TPP2: variants seen among roughly 807,000 people sequenced by gnomAD.
TPP2 encodes the protein tripeptidyl-peptidase 2.
TPP2 carries 34 observed loss-of-function variants against 155.9 expected under a neutral mutation model. The ratio of observed to expected loss-of-function variants is 0.22; its 90% CI spans 0.17 to 0.29. The LOEUF is 0.29. Ranked by LOEUF, TPP2 falls within the 10% of genes least tolerant of loss-of-function variation. TPP2 has a pLI of 1.00. For missense variants in TPP2, 1,028 were observed against 1,522.3 expected (o/e 0.68, Z 5.40); for synonymous variants, 510 against 529.4 (o/e 0.96, Z 0.50).
At chr13:102,629,412 G>A in intron 8 of TPP2, 70 bp from the exon 9 acceptor site, 1 of 1,378,298 alleles carries the variant, frequency 7.3e-7, no homozygotes, top group Non-Finnish European at 9.4e-7. Flanking sequence ...ATTTAAACAA[G>A]GTTTTGGTAC....
intron 5 of TPP2, among the ~76,000 whole-genome samples, chr13:102,619,608 C>A (rs1881006465): frequency 6.6e-6 from 1 of 152,158 alleles, no homozygotes; most frequent in African/African-American, 2.4e-5. Flanking sequence ...CACAGTGCAC[C>A]CTTCTTAAAG....
intron 2 of TPP2, among the ~76,000 whole-genome samples, chr13:102,610,571 T>C (rs1271162037): frequency 6.6e-6 from 1 of 152,166 alleles, no homozygotes; most frequent in African/African-American, 2.4e-5. Flanking sequence ...GTCTGTTTTT[T>C]CCACATAGCC....
chr13:102,644,547 T>C lies in TPP2; in HGVS notation c.2176-10T>C, dbSNP rs755159255. On this transcript the variant is annotated splice_polypyrimidine_tract_variant and intron_variant, in intron 17 of 29. Coordinates refer to ENST00000376052, the MANE Select transcript of TPP2 (RefSeq NM_001330588.2). ...GAAAAGAGATATATTTTATTTACTT[T>C]TATTTGCAGGGTGGAAAAGCAATTG... The C allele has an allele frequency of 1.9e-6, 3 of 1,588,700 alleles. No individual in the cohort carries two copies. The Admixed American group carries it at 5.3e-5, about 28-fold the overall frequency.
intron 28 of TPP2, 37 bp downstream of exon 28, chr13:102,674,527 G>A (rs572569038): frequency 8.1e-6 from 13 of 1,607,372 alleles, no homozygotes; most frequent in Non-Finnish European, 1.1e-5. Context: ...AAAGTTCTTG[G>A]GGTTACCTCA....
chr13:102,678,280 C>G lies in TPP2; in HGVS notation c.3753C>G (p.Leu1251=), dbSNP rs1885415686. 6.2e-7 allele frequency: 1 copy of G among 1,613,524 alleles called. No homozygotes were observed. The highest frequency in any genetic ancestry group is 1.7e-5 in the Admixed American group (1 of 59,982). Residue 1251 remains leucine (L), a synonymous_variant, in exon 30 of 30, where the codon CTC becomes CTG. Coordinates refer to ENST00000376052, the MANE Select transcript of TPP2 (RefSeq NM_001330588.2). ...THCASFTENW[L]PIMYPPDYCV... is the part of the protein sequence containing the mutation. ...GTGCATCTTTTACTGAAAACTGGCTCCCCATCATGTATCCTCCCGATTATT... is the reference window on the plus strand; with the variant it reads ...GTGCATCTTTTACTGAAAACTGGCTGCCCATCATGTATCCTCCCGATTATT...
At chr13:102,599,661 A>G (rs1879277725) in intron 1 of TPP2, among the ~76,000 whole-genome samples, 1 of 152,088 alleles carries the variant, frequency 6.6e-6, no homozygotes, top group South Asian at 2.1e-4. Context: ...CAAGTGGAGG[A>G]TGGGTGGCAT....
At chr13:102,599,816 G>C (rs1225351448) in intron 1 of TPP2, among the ~76,000 whole-genome samples, 1 of 152,100 alleles carries the variant, frequency 6.6e-6, no homozygotes, top group African/African-American at 2.4e-5. Context: ...GGGGGGATGG[G>C]GCAGGGATTG....
At chr13:102,627,563 G>A (rs1319192258) in intron 7 of TPP2, among the ~76,000 whole-genome samples, 1 of 151,076 alleles carries the variant, frequency 6.6e-6, no homozygotes, top group Non-Finnish European at 1.5e-5. Flanking sequence ...ACCTAGGAAG[G>A]ACCATTCCAT....
intron 21 of TPP2, 127 bp downstream of exon 21, chr13:102,647,471 C>A: frequency 8.5e-7 from 1 of 1,178,406 alleles, no homozygotes; most frequent in Non-Finnish European, 1.1e-6. Flanking sequence ...GTGTTTAGTA[C>A]TTTTGCAAAC....
chr13:102,637,304 T>G, intron 14 of TPP2, 65 bp downstream of exon 14: 9 of 1,507,810 alleles, frequency 6.0e-6, no homozygotes, highest in Non-Finnish European at 7.9e-6. Flanking sequence ...TAAAAAAAAA[T>G]CCAAAGTATA....
chr13:102,628,105 C>T (rs1450718754), intron 8 of TPP2, among the ~76,000 whole-genome samples, 181 bp downstream of exon 8: 1 of 152,080 alleles, frequency 6.6e-6, no homozygotes, highest in Non-Finnish European at 1.5e-5. Context: ...AGGCCGCACA[C>T]CCCCGTTCCT....
At chr13:102,619,449 A>C (rs1208735968) in intron 5 of TPP2, among the ~76,000 whole-genome samples, 1 of 148,274 alleles carries the variant, frequency 6.7e-6, no homozygotes, top group Non-Finnish European at 1.5e-5. Flanking sequence ...AAAAAAAAAC[A>C]AACAAACAGG....
At chr13:102,643,425 T>C in intron 17 of TPP2, 49 bp downstream of exon 17, 2 of 1,511,392 alleles carry the variant, frequency 1.3e-6, no homozygotes, top group South Asian at 2.7e-5. Flanking sequence ...TTTGCCTTTT[T>C]GGTATGGGCT....
Position 102,604,731 on chromosome 13 carries a change from G to C in TPP2, c.166-62G>C. ...TACACACACATATATATGTGGATTTGCATTGTTTAGGAATAAAAACCTAAA... is the reference window on the plus strand; with the variant it reads ...TACACACACATATATATGTGGATTTCCATTGTTTAGGAATAAAAACCTAAA... On this transcript the variant is annotated intron_variant, in intron 1 of 29. Transcript: ENST00000376052. 4 of 1,537,540 alleles carry C rather than the reference G, an allele frequency of 2.6e-6. No individual in the cohort carries two copies. The South Asian group carries it at 3.6e-5, about 14-fold the overall frequency.
At chr13:102,642,771 A>G (rs992257520) in intron 16 of TPP2, among the ~76,000 whole-genome samples, 1 of 152,218 alleles carries the variant, frequency 6.6e-6, no homozygotes, top group Non-Finnish European at 1.5e-5. Flanking sequence ...CAAGTAGACC[A>G]AGAAGAGAGA....
intron 24 of TPP2, among the ~76,000 whole-genome samples, chr13:102,651,737 AT>A (rs67649317): frequency 3.6e-4 from 51 of 140,238 alleles, no homozygotes; most frequent in Non-Finnish European, 4.6e-4. Context: ...GGATGTGATA[AT>A]TTTTTTTTTT....
intron 23 of TPP2, 133 bp from the exon 24 acceptor site, chr13:102,651,226 A>T: frequency 1.2e-6 from 1 of 850,708 alleles, no homozygotes; most frequent in Non-Finnish European, 1.7e-6. Context: ...ATGCCATCTT[A>T]ATCACAGACC....
At position 102,624,492 on chromosome 13, in the gene TPP2, C is replaced by G. The variant is rs114077329; in HGVS notation, c.784+1452C>G. Among the ~76,000 whole-genome samples the G allele has an allele frequency of 4.9e-3, 749 of 152,186 alleles. 7 individuals carry two copies. The highest frequency in any genetic ancestry group is 0.017 in the African/African-American group (712 of 41,458). On this transcript the variant is annotated intron_variant, in intron 6 of 29. Transcript: ENST00000376052. ...TACTCATTACCCCCAAAAGTTTGCT[C>G]TCTCTATTATCCAGCCTTTCTCCAC...
Position 102,611,791 on chromosome 13 carries a change from C to T in TPP2, c.295-2310C>T, listed in dbSNP as rs578193623. 7.2e-5 allele frequency among the ~76,000 whole-genome samples: 11 copies of T among 152,300 alleles called. No homozygotes were observed. The East Asian group carries it at 2.1e-3, about 29-fold the overall frequency. On this transcript the variant is annotated intron_variant, in intron 2 of 29. Coordinates refer to ENST00000376052, the MANE Select transcript of TPP2 (RefSeq NM_001330588.2). The stretch of plus-strand genomic sequence containing the variant: ...CTCTTCTGTTTGTTCTAGAATTCAC[C>T]TGGAAGTGATTTTATATGCTTAGTT...
Sources: gnomAD v4.1 joint callset for allele counts (sites outside exome capture counted in the v4.1 genomes callset) on GRCh38, gnomAD v4.1.1 for gene constraint, MANE v1.5 for transcripts, NCBI Gene and HGNC (gene_info 2026-07-23, HGNC 2026-07-21) for gene names.